Variants in PFKFB2 observed in about 807,000 individuals in gnomAD.
The protein encoded by PFKFB2 is 6-phosphofructo-2-kinase/fructose-2,6-biphosphatase 2.
PFKFB2 carries 53 observed loss-of-function variants against 68.0 expected under a neutral mutation model. The observed-to-expected ratio is 0.78, with a 90% CI of 0.63 to 0.98. The LOEUF is 0.98. Among genes scored for constraint, PFKFB2 ranks in the 50% least tolerant of loss-of-function variants. The probability of loss-of-function intolerance (pLI) is 0.00; values close to 1 mark genes in which losing one functional copy is unlikely to be tolerated. For missense variants in PFKFB2, 451 were observed against 642.0 expected, an observed-to-expected ratio of 0.70 and a Z score of 3.22; for synonymous variants, 222 against 227.6, an observed-to-expected ratio of 0.98 and a Z score of 0.22.
At chr1:207,043,728 T>C (rs1682524063) in intron 2 of PFKFB2, 1 of 152,598 alleles carries the variant, frequency 6.6e-6, no homozygotes, top group Non-Finnish European at 1.5e-5. Flanking sequence ...GCCTAAAGGG[T>C]GATATTTGGC....
At chr1:207,055,819 C>T (rs1411139587) in intron 2 of PFKFB2, among the ~76,000 whole-genome samples, 1 of 152,214 alleles carries the variant, frequency 6.6e-6, no homozygotes, top group Non-Finnish European at 1.5e-5. Context: ...TCTCTCTTCA[C>T]CTAGCACCCA....
chr1:207,035,011 G>T, intron 1 of PFKFB2: 2 of 292,754 alleles, frequency 6.8e-6, no homozygotes, highest in South Asian at 1.3e-4. Context: ...GAAAAGGGAG[G>T]ATTTCCAAAG....
chr1:207,075,688 C>A lies in PFKFB2; in HGVS notation c.*3317C>A. 1 of 969,196 alleles carries A rather than the reference C, an allele frequency of 1.0e-6. No individual in the cohort carries two copies. Among genetic ancestry groups the A allele is most frequent in the Non-Finnish European group, 1.2e-6 (1 of 815,110 alleles). 60.0% of individuals were successfully genotyped at this position (969,196 alleles called of 1,614,324 possible). A position where few individuals can be genotyped will look rare whatever the true frequency, so the allele number is the denominator to read the frequency against. On this transcript the variant is annotated 3_prime_UTR_variant, in exon 15 of 15. Transcript: ENST00000367080. ...CCTGTAGTCCCAGATACTTGGGAGG[C>A]TGAGGCAGGAGAATCACTTGAGACC...
In PFKFB2 at chr1:207,072,147, A is replaced by G. The variant is rs1292102101; in HGVS notation, c.1351-57A>G. ...GGTTACAAGCGCATTATTAACCTGT[A>G]TGAGTGAGCTTTTGGCTTGGCTTTC... On this transcript the variant is annotated intron_variant, in intron 14 of 14. Transcript: ENST00000367080. The G allele has an allele frequency of 7.5e-6, 12 of 1,594,768 alleles. No individual in the cohort carries two copies. The East Asian group carries it at 2.0e-4, about 27-fold the overall frequency.
downstream of PFKFB2, chr1:207,077,955 C>A (rs1305244423): frequency 1.4e-5 from 3 of 212,568 alleles, no homozygotes; most frequent in African/African-American, 2.4e-5. Flanking sequence ...TAATTGAAGA[C>A]CATGGTGTAG....
At position 207,071,240 on chromosome 1, in the gene PFKFB2, T is replaced by C. The variant is rs751677336; in HGVS notation, c.1275T>C (p.Pro425=). ...TCCATACCATCTTCAAACTTACTCC[T>C]GTGGCCTATGGTAACTATGCACATA... is the stretch of plus-strand genomic sequence containing the variant. ...CPLHTIFKLT[P]VAYGCKVETI... The change falls in exon 13 of 15, where the codon CCT becomes CCC. Residue 425 remains proline, a synonymous_variant. Coordinates refer to ENST00000367080, the MANE Select transcript of PFKFB2 (RefSeq NM_006212.2). The C allele has an allele frequency of 1.9e-6, 3 of 1,613,084 alleles. No individual in the cohort carries two copies. The highest frequency in any genetic ancestry group is 2.7e-5 in the African/African-American group (2 of 75,008).
chr1:207,065,138 C>T lies in PFKFB2; in HGVS notation c.610C>T (p.Leu204Phe). 1 of 1,613,978 alleles carries T rather than the reference C, an allele frequency of 6.2e-7. No homozygotes were observed. Among genetic ancestry groups the T allele is most frequent in the Non-Finnish European group, 8.5e-7 (1 of 1,179,932 alleles). ...IECYKVTYRP[L>F]DPDNYDKDLS... is the part of the protein sequence containing the mutation. Reference sequence around the variant, plus strand: ...ATGCTACAAAGTTACCTACCGACCTCTTGACCCAGACAACTATGACAAGTA... The same window carrying T: ...ATGCTACAAAGTTACCTACCGACCTTTTGACCCAGACAACTATGACAAGTA... The change falls in exon 8 of 15, where the codon CTT (leucine) becomes TTT (phenylalanine). Residue 204 changes from leucine (L) to phenylalanine (F), a missense_variant. Physicochemically the swap from Leu to Phe is conservative, Grantham distance 22. Transcript: ENST00000367080.
At chr1:207,054,666 C>A in intron 1 of PFKFB2, 35 bp from the exon 2 acceptor site, 2 of 1,424,442 alleles carry the variant, frequency 1.4e-6, no homozygotes, top group South Asian at 1.2e-5. Flanking sequence ...TCTTTCTTCC[C>A]CTTCCCTTTT....
intron 2 of PFKFB2, among the ~76,000 whole-genome samples, chr1:207,058,350 C>G (rs1042405705): frequency 2.6e-5 from 4 of 152,228 alleles, no homozygotes; most frequent in Admixed American, 2.0e-4. Context: ...AACCATTGCT[C>G]TCCTAGACCA....
upstream of PFKFB2, chr1:207,051,183 C>T (rs1003346242): frequency 1.4e-6 from 2 of 1,387,786 alleles, no homozygotes; most frequent in Non-Finnish European, 1.9e-6. Context: ...TAAAGGACAA[C>T]GGGTCTTGCT....
At chr1:207,067,769 C>G in intron 9 of PFKFB2, 63 bp downstream of exon 9, 1 of 1,323,152 alleles carries the variant, frequency 7.6e-7, no homozygotes, top group Non-Finnish European at 1.1e-6. Context: ...TGACTGAGGT[C>G]ATATATTTTA....
chr1:207,071,738 T>A (rs1022325237), intron 14 of PFKFB2, among the ~76,000 whole-genome samples, 165 bp downstream of exon 14: 9 of 151,974 alleles, frequency 5.9e-5, no homozygotes, highest in East Asian at 3.9e-4. Flanking sequence ...TGGAATTATT[T>A]TTTTTTTAAA....
chr1:207,065,324 C>A, intron 8 of PFKFB2, 164 bp downstream of exon 8: 25 of 983,176 alleles, frequency 2.5e-5, no homozygotes, highest in Non-Finnish European at 3.0e-5. Flanking sequence ...ATGTGGATTG[C>A]ATCTTGTACA....
Position 207,074,887 on chromosome 1 carries a change from A to C in PFKFB2, c.*2516A>C. The C allele has an allele frequency of 3.0e-6, 3 of 985,476 alleles. No individual in the cohort carries two copies. The highest frequency in any genetic ancestry group is 3.6e-6 in the Non-Finnish European group (3 of 829,948). The allele number at this position is 985,476 out of a possible 1,614,324, so 61.0% of individuals were successfully genotyped here. ...TGTTGTCCTATGGCTATGAGACTAC[A>C]GGGGTTGGGGGATGGGGATGCCCCC... On this transcript the variant is annotated 3_prime_UTR_variant, in exon 15 of 15. Transcript: ENST00000367080.
At chr1:207,036,198 C>T (rs1329921748) in intron 1 of PFKFB2, among the ~76,000 whole-genome samples, 1 of 152,166 alleles carries the variant, frequency 6.6e-6, no homozygotes, top group Non-Finnish European at 1.5e-5. Context: ...ACAGAACATT[C>T]ACACTATATC....
Position 207,067,557 on chromosome 1 carries a change from C to A in PFKFB2, c.691C>A (p.Gln231Lys). ...VGQRFLVNRV[Q>K]DYIQSKIVYY... is the part of the protein sequence containing the mutation. ...CCAGCGATTTTTAGTCAACAGAGTC[C>A]AGGACTACATCCAGAGCAAGATAGT... Residue 231 changes from glutamine (Q) to lysine (K), a missense_variant, in exon 9 of 15, where the codon CAG becomes AAG. Gln to Lys is a moderately conservative substitution (Grantham distance 53). Transcript: ENST00000367080. 1 of 1,613,894 alleles carries A rather than the reference C, an allele frequency of 6.2e-7. No individual in the cohort carries two copies. The highest frequency in any genetic ancestry group is 8.5e-7 in the Non-Finnish European group (1 of 1,179,888).
At chr1:207,042,692 C>T (rs1241279169) in intron 2 of PFKFB2, among the ~76,000 whole-genome samples, 11 of 150,984 alleles carry the variant, frequency 7.3e-5, no homozygotes, top group African/African-American at 1.9e-4. Flanking sequence ...ACCATTGCTT[C>T]GTCTTTTGTC....
At chr1:207,049,300 G>C, upstream of PFKFB2, 1 of 1,614,050 alleles carries the variant, frequency 6.2e-7, no homozygotes, top group Non-Finnish European at 8.5e-7. Flanking sequence ...AACCCTTTTG[G>C]TATATCCTGC....
In PFKFB2 at chr1:207,054,714, T is replaced by A. The variant is rs988409677; in HGVS notation, c.-4T>A. ...TCTCTGTTTCAGACATCTGAAGAGC[T>A]GCCATGTCTGGGGCATCTTCCTCAG... is the stretch of plus-strand genomic sequence containing the variant. On this transcript the variant is annotated 5_prime_UTR_variant, in exon 2 of 15. Transcript: ENST00000367080. The A allele has an allele frequency of 1.2e-6, 2 of 1,610,244 alleles. No individual in the cohort carries two copies. Among genetic ancestry groups the A allele is most frequent in the Non-Finnish European group, 1.7e-6 (2 of 1,176,734 alleles).
Sources: gnomAD v4.1 joint callset for allele counts (sites outside exome capture counted in the v4.1 genomes callset) on GRCh38, gnomAD v4.1.1 for gene constraint, MANE v1.5 for transcripts, NCBI Gene and HGNC (gene_info 2026-07-23, HGNC 2026-07-21) for gene names.